ALDH1L1: variants seen among roughly 807,000 people sequenced by gnomAD.
ALDH1L1 encodes the protein cytosolic 10-formyltetrahydrofolate dehydrogenase.
Under a neutral mutation model 101.1 loss-of-function variants are expected in ALDH1L1, and 68 were observed. That is an observed-to-expected ratio of 0.67 (90% confidence interval 0.55 to 0.82). The LOEUF (loss-of-function observed/expected upper bound fraction) is 0.82. ALDH1L1 is among the 40% of genes least tolerant of loss of function. The pLI, the probability that ALDH1L1 is intolerant of heterozygous loss-of-function variation, is 0.00. For synonymous variants in ALDH1L1, 486 were observed against 470.8 expected, an observed-to-expected ratio of 1.03 and a Z score of -0.42; for missense variants, 1,087 against 1,172.7, an observed-to-expected ratio of 0.93 and a Z score of 1.07.
Position 126,107,182 on chromosome 3 carries a change from C to T in ALDH1L1, c.2412G>A (p.Glu804=). ...AGATGATCATGACAGGCCCGAAGGA[C>T]TCCTCCTTGGCTATGAACATGTGGT... ...VEDHMFIAKE[E]SFGPVMIISR... is the part of the protein sequence containing the mutation. Residue 804 remains glutamate (E), a synonymous_variant, in exon 21 of 23, where the codon GAG becomes GAA. Coordinates refer to ENST00000393434, the MANE Select transcript of ALDH1L1 (RefSeq NM_012190.4). 1 of 1,614,216 alleles carries T rather than the reference C, an allele frequency of 6.2e-7. No homozygotes were observed. The highest frequency in any genetic ancestry group is 8.5e-7 in the Non-Finnish European group (1 of 1,180,032).
intron 19 of ALDH1L1, among the ~76,000 whole-genome samples, chr3:126,110,467 A>T (rs766257944): frequency 2.0e-5 from 3 of 152,180 alleles, no homozygotes; most frequent in Non-Finnish European, 4.4e-5. Context: ...ATGGACCAAG[A>T]AGCTGAAGGA....
intron 14 of ALDH1L1, among the ~76,000 whole-genome samples, chr3:126,125,939 A>T (rs765219763): frequency 1.1e-4 from 16 of 152,302 alleles, no homozygotes; most frequent in Non-Finnish European, 2.2e-4. Context: ...TCTTCCTAGC[A>T]GGGCAGGATG....
At chr3:126,136,998 C>A in intron 10 of ALDH1L1, 115 bp from the exon 11 acceptor site, 1 of 1,442,270 alleles carries the variant, frequency 6.9e-7, no homozygotes, top group Non-Finnish European at 9.3e-7. Flanking sequence ...GGCTTCAGAG[C>A]TGCATGTAGG....
At chr3:126,169,265 A>G (rs1158559357) in intron 1 of ALDH1L1, among the ~76,000 whole-genome samples, 1 of 152,208 alleles carries the variant, frequency 6.6e-6, no homozygotes, top group Non-Finnish European at 1.5e-5. Context: ...TAAGTAAAGT[A>G]TACTCCTGTA....
At chr3:126,153,224 C>T (rs56195618) in intron 7 of ALDH1L1, 35,203 of 659,270 alleles carry the variant, frequency 0.053, 1,261 homozygotes, top group African/African-American at 0.12. Context: ...GGGTAGGGAG[C>T]CCAGCTTTCC....
chr3:126,131,319 G>T, intron 13 of ALDH1L1, 65 bp downstream of exon 13: 2 of 1,481,668 alleles, frequency 1.3e-6, no homozygotes, highest in Admixed American at 2.0e-5. Flanking sequence ...TGCTGCCCTT[G>T]GAGTTCTCCT....
chr3:126,149,123 T>C (rs1344575014), intron 8 of ALDH1L1, among the ~76,000 whole-genome samples: 29 of 152,204 alleles, frequency 1.9e-4, no homozygotes, highest in Non-Finnish European at 5.9e-5. Context: ...TGCAAACTGG[T>C]CACTGGAATA....
intron 1 of ALDH1L1, among the ~76,000 whole-genome samples, chr3:126,161,818 A>T (rs1328829119): frequency 6.6e-6 from 1 of 152,224 alleles, no homozygotes; most frequent in Non-Finnish European, 1.5e-5. Context: ...CAAACCAAAC[A>T]CACCACTGTC....
At chr3:126,188,850 C>G (rs1035283116) in intron 1 of ALDH1L1, among the ~76,000 whole-genome samples, 1 of 152,178 alleles carries the variant, frequency 6.6e-6, no homozygotes, top group Non-Finnish European at 1.5e-5. Context: ...GCCCCTTACC[C>G]AGGGTCCCCA....
chr3:126,187,863 C>T (rs1472388128), intron 1 of ALDH1L1, among the ~76,000 whole-genome samples: 1 of 151,266 alleles, frequency 6.6e-6, no homozygotes, highest in Admixed American at 6.6e-5. Flanking sequence ...GGAGTCTGAA[C>T]GAGAGGTTCG....
upstream of ALDH1L1, chr3:126,180,968 T>A: frequency 6.2e-7 from 1 of 1,610,996 alleles, no homozygotes; most frequent in Non-Finnish European, 8.5e-7. Flanking sequence ...GTACCTGCCA[T>A]GTGCTACGGA....
Position 126,158,470 on chromosome 3 carries a change from C to T in ALDH1L1, c.297G>A (p.Arg99=), listed in dbSNP as rs113434283. The stretch of plus-strand genomic sequence containing the variant: ...ACGGGTGATAGATGATGGAGCCATG[C>T]CGGGGGGCACTGATTATCTCCATGG... ...FIPMEIISAP[R]HGSIIYHPSL... Residue 99 remains arginine, a synonymous_variant, in exon 3 of 23, where the codon CGG becomes CGA. Coordinates refer to ENST00000393434, the MANE Select transcript of ALDH1L1 (RefSeq NM_012190.4). The T allele has an allele frequency of 6.2e-6, 10 of 1,613,722 alleles. No individual in the cohort carries two copies. In the African/African-American group the frequency reaches 6.7e-5, roughly 11 times the overall value.
At position 126,106,430 on chromosome 3, in the gene ALDH1L1, G is replaced by A. The variant is rs7616288; in HGVS notation, c.2454-505C>T. Among the ~76,000 whole-genome samples the A allele has an allele frequency of 5.1e-3, 780 of 152,310 alleles. 8 individuals carry two copies. Among genetic ancestry groups the A allele is most frequent in the African/African-American group, 0.018 (732 of 41,562 alleles). On this transcript the variant is annotated intron_variant, in intron 21 of 22. Coordinates refer to ENST00000393434, the MANE Select transcript of ALDH1L1 (RefSeq NM_012190.4). ...TTTGCAATTTGCTCCAAGGTGCTACGGAGACAAGGGGCAGGCCTGAGAAGT... is the reference window on the plus strand; with the variant it reads ...TTTGCAATTTGCTCCAAGGTGCTACAGAGACAAGGGGCAGGCCTGAGAAGT...
intron 12 of ALDH1L1, among the ~76,000 whole-genome samples, chr3:126,132,167 G>T (rs150686951): frequency 4.3e-4 from 66 of 152,360 alleles, no homozygotes; most frequent in Non-Finnish European, 7.9e-4. Flanking sequence ...AGTTATGAGG[G>T]TGCCCCTCTC....
chr3:126,121,730 C>T (rs1314683985), intron 16 of ALDH1L1, among the ~76,000 whole-genome samples: 2 of 152,206 alleles, frequency 1.3e-5, no homozygotes, highest in Non-Finnish European at 2.9e-5. Context: ...ATATCTGTAG[C>T]ACTGAAGGCA....
intron 1 of ALDH1L1, among the ~76,000 whole-genome samples, chr3:126,168,962 T>G (rs1467112859): frequency 1.3e-5 from 2 of 152,182 alleles, no homozygotes; most frequent in Non-Finnish European, 2.9e-5. Context: ...TACAGACAAT[T>G]TTTATTTTGT....
intron 1 of ALDH1L1, among the ~76,000 whole-genome samples, chr3:126,167,830 CAA>C (rs1265394462): frequency 2.6e-5 from 4 of 152,202 alleles, no homozygotes; most frequent in Non-Finnish European, 2.9e-5. Flanking sequence ...CGATTTTACC[CAA>C]GTGTTTAAAA....
chr3:126,180,899 C>A, upstream of ALDH1L1: 4 of 1,597,170 alleles, frequency 2.5e-6, no homozygotes, highest in Admixed American at 1.7e-5. Flanking sequence ...TCAGAGGAGA[C>A]CCTCGCCAAG....
chr3:126,114,959 C>A, intron 17 of ALDH1L1: 1 of 489,520 alleles, frequency 2.0e-6, no homozygotes, highest in Non-Finnish European at 4.0e-6. Flanking sequence ...CCCTGATCGC[C>A]CCGTATAAAA....
Sources: gnomAD v4.1 joint callset for allele counts (sites outside exome capture counted in the v4.1 genomes callset) on GRCh38, gnomAD v4.1.1 for gene constraint, MANE v1.5 for transcripts, NCBI Gene and HGNC (gene_info 2026-07-23, HGNC 2026-07-21) for gene names.